DMD: variants seen among roughly 807,000 people sequenced by gnomAD.
DMD encodes mutant dystrophin.
A neutral mutation model predicts 330.1 loss-of-function variants in DMD; 63 were observed. That is an observed-to-expected ratio of 0.19 (90% CI 0.16 to 0.24). The LOEUF (loss-of-function observed/expected upper bound fraction) is 0.24. Among genes scored for constraint, DMD ranks in the 10% least tolerant of loss-of-function variants. The pLI is 1.00. For synonymous variants in DMD, 1,223 were observed against 959.8 expected, an observed-to-expected ratio of 1.27 and a Z score of -5.07; for missense variants, 3,344 against 2,684.1, an observed-to-expected ratio of 1.25 and a Z score of -5.43.
intron 2 of DMD, among the ~76,000 whole-genome samples, chrX:32,977,552 A>T (rs1380450668): frequency 9.0e-6 from 1 of 111,021 alleles, no homozygotes; most frequent in Non-Finnish European, 1.9e-5. Context: ...TATAAGGTGT[A>T]TTGTCAAAGA....
intron 38 of DMD, 35 bp from the exon 39 acceptor site, chrX:32,346,115 G>C: frequency 8.3e-7 from 1 of 1,198,046 alleles, no homozygotes; most frequent in Non-Finnish European, 1.1e-6. Flanking sequence ...CTTCATTTTG[G>C]TTTTTAAAAA....
intron 1 of DMD, among the ~76,000 whole-genome samples, chrX:33,132,905 TAC>T (rs1466514945): frequency 2.7e-5 from 3 of 112,113 alleles, no homozygotes; most frequent in Admixed American, 9.5e-5. Flanking sequence ...CAGTTCCAGA[TAC>T]AGAGTTAGTG....
At chrX:31,791,534 G>A (rs775213921) in intron 50 of DMD, among the ~76,000 whole-genome samples, 31 of 111,602 alleles carry the variant, frequency 2.8e-4, no homozygotes, top group Non-Finnish European at 4.9e-4. Context: ...AACAAAGGTT[G>A]AAAAATCCTA....
chrX:31,312,544 T>G (rs754099436), intron 62 of DMD, among the ~76,000 whole-genome samples: 17 of 112,664 alleles, frequency 1.5e-4, no homozygotes, highest in African/African-American at 5.5e-4. Context: ...TGGAAAACAG[T>G]ATGGCAATTC....
intron 43 of DMD, among the ~76,000 whole-genome samples, chrX:32,241,026 C>T (rs139491138): frequency 0.014 from 1,522 of 112,365 alleles, 20 homozygotes; most frequent in African/African-American, 0.044. Context: ...ATTTTCATCT[C>T]ATTGACTTGA....
intron 2 of DMD, among the ~76,000 whole-genome samples, chrX:32,964,010 T>A (rs1469680685): frequency 3.6e-5 from 4 of 110,678 alleles, no homozygotes; most frequent in Non-Finnish European, 7.6e-5. Flanking sequence ...ATCCCAGCAC[T>A]TTGGGAGGCT....
intron 17 of DMD, among the ~76,000 whole-genome samples, chrX:32,532,468 G>C: frequency 8.9e-6 from 1 of 112,341 alleles, no homozygotes; most frequent in Middle Eastern, 4.6e-3. Context: ...AGGCTGTCTG[G>C]GTTCAAATCC....
intron 2 of DMD, among the ~76,000 whole-genome samples, chrX:32,901,117 G>T (rs2086199664): frequency 9.0e-6 from 1 of 111,303 alleles, no homozygotes; most frequent in Non-Finnish European, 1.9e-5. Context: ...ATTTATAAAA[G>T]AATGAATTAT....
chrX:31,213,786 T>C (rs1436552661), intron 64 of DMD, among the ~76,000 whole-genome samples: 1 of 112,303 alleles, frequency 8.9e-6, no homozygotes, highest in African/African-American at 3.2e-5. Context: ...AGCAAGATTG[T>C]TTAGAACACC....
rs112879482 is a variant in DMD, at chrX:32,777,060, CTTTT to C, written c.649+32429_649+32432del. Reference sequence around the variant, plus strand: ...GGCCTATATAGCAGCATAAATTTGTCTTTTTTTTTTGTTTTTACAGTAATTAAGA... The same window carrying C: ...GGCCTATATAGCAGCATAAATTTGTCTTTTTTGTTTTTACAGTAATTAAGA... On this transcript the variant is annotated intron_variant, in intron 7 of 78. Coordinates refer to ENST00000357033, the MANE Select transcript of DMD (RefSeq NM_004006.3). Among the ~76,000 whole-genome samples, 304 of 103,481 alleles carry C rather than the reference CTTTT, an allele frequency of 2.9e-3. 1 individual carries two copies. Among genetic ancestry groups the C allele is most frequent in the African/African-American group, 9.8e-3 (279 of 28,446 alleles). 89.9% of individuals were successfully genotyped at this position (103,481 alleles called of 115,157 possible).
At chrX:33,263,972 T>A (rs990901887) in intron 1 of DMD, among the ~76,000 whole-genome samples, 3 of 111,286 alleles carry the variant, frequency 2.7e-5, no homozygotes, top group Admixed American at 9.6e-5. Context: ...AAGATCTTCT[T>A]TCAAATCTAG....
At chrX:33,321,439 T>A (rs906120850) in intron 1 of DMD, among the ~76,000 whole-genome samples, 4 of 109,488 alleles carry the variant, frequency 3.7e-5, no homozygotes, top group Admixed American at 9.8e-5. Flanking sequence ...AAAAAAAAAA[T>A]ATATTTTTCT....
chrX:31,939,366 C>T (rs1281523303), intron 45 of DMD, among the ~76,000 whole-genome samples: 1 of 111,885 alleles, frequency 8.9e-6, no homozygotes, highest in Non-Finnish European at 1.9e-5. Flanking sequence ...ATCAAGATTT[C>T]TCAGTCATTT....
At chrX:31,456,467 C>T (rs1172327299) in intron 59 of DMD, among the ~76,000 whole-genome samples, 2 of 111,874 alleles carry the variant, frequency 1.8e-5, no homozygotes, top group East Asian at 2.8e-4. Context: ...GCCTTATAAA[C>T]GTCTCCTCGA....
chrX:32,615,765 C>A (rs143782244), intron 11 of DMD, among the ~76,000 whole-genome samples: 4 of 111,081 alleles, frequency 3.6e-5, no homozygotes, highest in Non-Finnish European at 7.6e-5. Context: ...GATTATAATA[C>A]AAAGAGTTAT....
At chrX:32,463,331 C>A in intron 25 of DMD, 108 bp downstream of exon 25, 2 of 743,476 alleles carry the variant, frequency 2.7e-6, no homozygotes, top group Non-Finnish European at 3.7e-6. Context: ...TGCTTTAAAG[C>A]AAAAACATAG....
intron 1 of DMD, among the ~76,000 whole-genome samples, chrX:33,193,745 C>T (rs2148803410): frequency 8.9e-6 from 1 of 111,974 alleles, no homozygotes; most frequent in East Asian, 2.8e-4. Context: ...ATGCATAATT[C>T]TAGTTTTTGA....
chrX:33,012,486 T>C (rs1435722822), intron 2 of DMD, among the ~76,000 whole-genome samples: 2 of 111,990 alleles, frequency 1.8e-5, no homozygotes, highest in East Asian at 5.6e-4. Context: ...TTTAGATAAC[T>C]CTACTGCAAA....
chrX:31,214,898 G>T (rs889711072), intron 64 of DMD, among the ~76,000 whole-genome samples: 1 of 103,792 alleles, frequency 9.6e-6, no homozygotes, highest in African/African-American at 3.5e-5. Flanking sequence ...TGTTGCAAGG[G>T]GAAGGAAACC....
Sources: gnomAD v4.1 joint callset for allele counts (sites outside exome capture counted in the v4.1 genomes callset) on GRCh38, gnomAD v4.1.1 for gene constraint, MANE v1.5 for transcripts, NCBI Gene and HGNC (gene_info 2026-07-23, HGNC 2026-07-21) for gene names.